The following KSR1 variants were observed in gnomAD, a reference collection of about 807,000 sequenced individuals.
KSR1 encodes kinase suppressor of ras.
In KSR1, 35 loss-of-function variants were observed where a neutral mutation model predicts 92.9. That is an observed-to-expected ratio of 0.38 (90% CI 0.29 to 0.50). The LOEUF is 0.50. Ranked by LOEUF, KSR1 falls within the 20% of genes least tolerant of loss-of-function variation. KSR1 has a pLI of 0.94. For synonymous variants in KSR1, 467 were observed against 472.6 expected, an observed-to-expected ratio of 0.99 and a Z score of 0.15; for missense variants, 972 against 1,158.5, an observed-to-expected ratio of 0.84 and a Z score of 2.34.
At chr17:27,552,895 G>A (rs1320661900) in intron 2 of KSR1, among the ~76,000 whole-genome samples, 2 of 152,182 alleles carry the variant, frequency 1.3e-5, no homozygotes, top group Admixed American at 6.5e-5. Context: ...GTACACTGAT[G>A]TGTTGTTTAA....
rs1438403352 is a variant in KSR1, at chr17:27,526,560, C to A, written c.232-24008C>A. On this transcript the variant is annotated intron_variant, in intron 1 of 20. Transcript: ENST00000644974. ...TGTCTGCTGGATTTTGGCCACAATG[C>A]ACCTCATTCATTTGTATCAGTTGCA... The A allele has an allele frequency of 6.9e-6, 11 of 1,600,012 alleles. No individual in the cohort carries two copies. In the Admixed American group the frequency reaches 8.4e-5, roughly 12 times the overall value.
At chr17:27,508,585 T>G (rs1226140821) in intron 1 of KSR1, among the ~76,000 whole-genome samples, 1 of 152,100 alleles carries the variant, frequency 6.6e-6, no homozygotes, top group Non-Finnish European at 1.5e-5. Context: ...CTCAGTTTCC[T>G]GATGAAAACA....
At chr17:27,584,776 G>GGC (rs1450799904) in intron 4 of KSR1, among the ~76,000 whole-genome samples, 1 of 152,188 alleles carries the variant, frequency 6.6e-6, no homozygotes, top group African/African-American at 2.4e-5. Flanking sequence ...TGACCCCTGA[G>GGC]TGCTCTGCTT....
chr17:27,456,876 T>A lies in KSR1; in HGVS notation c.231+2T>A. The A allele has an allele frequency of 1.1e-6, 1 of 889,896 alleles. No individual in the cohort carries two copies. Among genetic ancestry groups the A allele is most frequent in the Non-Finnish European group, 1.9e-6 (1 of 534,758 alleles). The allele number at this position is 889,896 out of a possible 1,614,324, so 55.1% of individuals were successfully genotyped here. A position where few individuals can be genotyped will look rare whatever the true frequency, so the allele number is the denominator to read the frequency against. The stretch of plus-strand genomic sequence containing the variant: ...CAGCAGGAGATACGGACCCTGGAGG[T>A]AAGTGGGTCGGGGACCAGGCTGGGC... On this transcript the variant is annotated splice_donor_variant, in intron 1 of 20. Coordinates refer to ENST00000644974, the MANE Select transcript of KSR1 (RefSeq NM_001394583.1). LOFTEE classifies it high-confidence loss of function.
chr17:27,614,060 C>T (rs182598469), intron 18 of KSR1, among the ~76,000 whole-genome samples: 1 of 152,350 alleles, frequency 6.6e-6, no homozygotes, highest in Non-Finnish European at 1.5e-5. Context: ...CCTCAGCCTC[C>T]CAAAGTGCTG....
intron 1 of KSR1, among the ~76,000 whole-genome samples, chr17:27,487,330 G>A (rs749314843): frequency 2.6e-5 from 4 of 152,142 alleles, no homozygotes; most frequent in Non-Finnish European, 5.9e-5. Flanking sequence ...AGCTACTCGG[G>A]AGGCTGAGGA....
At chr17:27,474,685 A>T (rs557545615) in intron 1 of KSR1, among the ~76,000 whole-genome samples, 1 of 152,254 alleles carries the variant, frequency 6.6e-6, no homozygotes, top group South Asian at 2.1e-4. Context: ...TTTAATTAGC[A>T]CCCATTAGGG....
chr17:27,500,875 G>A (rs551963598), intron 1 of KSR1, among the ~76,000 whole-genome samples: 5 of 152,322 alleles, frequency 3.3e-5, no homozygotes, highest in Admixed American at 3.3e-4. Flanking sequence ...CTTTACATGG[G>A]TTGACTCCAA....
rs566802267 is a variant in KSR1, at chr17:27,623,755, C to T, written c.*363C>T. ...CCATCCCCTCTGAGGACCTTGTAGG[C>T]GGTGAGGGACCCATGCTGGGCCAGA... On this transcript the variant is annotated 3_prime_UTR_variant, in exon 21 of 21. Coordinates refer to ENST00000644974, the MANE Select transcript of KSR1 (RefSeq NM_001394583.1). 3.1e-5 allele frequency: 17 copies of T among 549,712 alleles called. No homozygotes were observed. Among genetic ancestry groups the T allele is most frequent in the Middle Eastern group, 4.7e-4 (1 of 2,150 alleles). 34.1% of individuals were successfully genotyped at this position (549,712 alleles called of 1,614,324 possible).
In KSR1 at chr17:27,527,300, T is replaced by G; in HGVS notation, c.232-23268T>G. 1.7e-5 allele frequency: 3 copies of G among 180,686 alleles called. No homozygotes were observed. In the South Asian group the frequency reaches 3.3e-4, roughly 20 times the overall value. The allele number at this position is 180,686 out of a possible 1,614,324, so 11.2% of individuals were successfully genotyped here. ...GGGAAGTTGAGGTAGGAGGACTGCT[T>G]AAGCCCAAGAGGTCAAGGCTACAGT... On this transcript the variant is annotated intron_variant, in intron 1 of 20. Transcript: ENST00000644974.
chr17:27,557,113 A>G (rs1015462318), intron 2 of KSR1, among the ~76,000 whole-genome samples: 21 of 152,132 alleles, frequency 1.4e-4, no homozygotes, highest in African/African-American at 4.3e-4. Context: ...ATCTCCAGAA[A>G]CCTGGCCCAG....
chr17:27,519,448 G>C (rs923849496), intron 1 of KSR1, among the ~76,000 whole-genome samples: 1 of 152,130 alleles, frequency 6.6e-6, no homozygotes, highest in Non-Finnish European at 1.5e-5. Flanking sequence ...CTGAGGAAAG[G>C]AGTCCCCTTC....
intron 1 of KSR1, among the ~76,000 whole-genome samples, chr17:27,515,864 C>T (rs989472284): frequency 2.6e-5 from 4 of 152,210 alleles, no homozygotes; most frequent in African/African-American, 9.6e-5. Context: ...GTTTTATCAG[C>T]TCTGATCTCT....
chr17:27,567,731 C>T (rs1433670807), intron 2 of KSR1, among the ~76,000 whole-genome samples: 2 of 152,228 alleles, frequency 1.3e-5, no homozygotes, highest in Admixed American at 1.3e-4. Flanking sequence ...TGCACTTGGG[C>T]AGGGAATGCG....
Position 27,459,942 on chromosome 17 carries a change from G to A in KSR1, c.231+3068G>A, listed in dbSNP as rs1024965202. On this transcript the variant is annotated intron_variant, in intron 1 of 20. Coordinates refer to ENST00000644974, the MANE Select transcript of KSR1 (RefSeq NM_001394583.1). The surrounding 1 kb of genome is among the most constrained non-coding windows in gnomAD (Gnocchi z 4.6). Reference sequence around the variant, plus strand: ...GTTTGCTGCCTGTGTGCCTAGCAGCGTGCCTGACTCTTCTCAAACTCACAC... The same window carrying A: ...GTTTGCTGCCTGTGTGCCTAGCAGCATGCCTGACTCTTCTCAAACTCACAC... 1.3e-5 allele frequency among the ~76,000 whole-genome samples: 2 copies of A among 152,162 alleles called. No homozygotes were observed. Among genetic ancestry groups the A allele is most frequent in the African/African-American group, 4.8e-5 (2 of 41,428 alleles).
intron 20 of KSR1, chr17:27,621,800 C>T (rs2074230739): frequency 1.2e-6 from 1 of 857,522 alleles, no homozygotes; most frequent in African/African-American, 1.7e-5. Context: ...CAGGATGGCC[C>T]TTTCTCTCTG....
intron 1 of KSR1, among the ~76,000 whole-genome samples, chr17:27,507,082 G>A (rs1345596123): frequency 6.6e-6 from 1 of 152,146 alleles, no homozygotes; most frequent in African/African-American, 2.4e-5. Context: ...TCCTAGTCGG[G>A]GTGTGCAGTG....
chr17:27,557,185 G>A (rs2071632007), intron 2 of KSR1, among the ~76,000 whole-genome samples: 1 of 152,218 alleles, frequency 6.6e-6, no homozygotes, highest in Admixed American at 6.5e-5. Flanking sequence ...GAGGATATTA[G>A]AGCTAGACCC....
chr17:27,569,444 A>AAGG, intron 2 of KSR1, among the ~76,000 whole-genome samples: 1 of 152,178 alleles, frequency 6.6e-6, no homozygotes, highest in East Asian at 1.9e-4. Flanking sequence ...GGAGGTGGGA[A>AAGG]AGGAGGAGGA....
Sources: gnomAD v4.1 joint callset for allele counts (sites outside exome capture counted in the v4.1 genomes callset) on GRCh38, gnomAD v4.1.1 for gene constraint, Gnocchi (gnomAD v3.1) non-coding constraint, MANE v1.5 for transcripts, NCBI Gene and HGNC (gene_info 2026-07-23, HGNC 2026-07-21) for gene names.